Variants in CACHD1 observed in about 807,000 individuals in gnomAD.
CACHD1 encodes cache domain containing 1, also known as VWFA and cache domain-containing protein 1.
Under a neutral mutation model 138.7 loss-of-function variants are expected in CACHD1, and 71 were observed. The observed-to-expected ratio is 0.51, with a 90% CI of 0.42 to 0.62. The LOEUF (loss-of-function observed/expected upper bound fraction) is 0.62. Among genes scored for constraint, CACHD1 ranks in the 20% least tolerant of loss-of-function variants. CACHD1 has a pLI of 0.00. For missense variants in CACHD1, 1,389 were observed against 1,625.3 expected (o/e 0.85, Z 2.50); for synonymous variants, 578 against 591.5 (o/e 0.98, Z 0.33).
chr1:64,632,272 A>C (rs1302425039), intron 5 of CACHD1, among the ~76,000 whole-genome samples: 1 of 151,196 alleles, frequency 6.6e-6, no homozygotes, highest in African/African-American at 2.4e-5. Flanking sequence ...AAAAAAAAAA[A>C]AAAAAAGAGA....
chr1:64,557,783 T>A (rs12096014), intron 2 of CACHD1, among the ~76,000 whole-genome samples: 6,905 of 150,950 alleles, frequency 0.046, 261 homozygotes, highest in South Asian at 0.2. Flanking sequence ...TTTCTCTTTT[T>A]AAAAAATTAT....
At chr1:64,574,654 C>CACT (rs1646953449) in intron 2 of CACHD1, among the ~76,000 whole-genome samples, 1 of 152,208 alleles carries the variant, frequency 6.6e-6, no homozygotes, top group African/African-American at 2.4e-5. Flanking sequence ...AGTAAACAGC[C>CACT]ACTACCATTT....
In CACHD1 at chr1:64,654,720, G is replaced by T. The variant is rs556698065; in HGVS notation, c.1699G>T (p.Val567Leu). Reference sequence around the variant, plus strand: ...GGGCAGCCAGATTATCGCAGTCCCTGTGAACTCATCCCTGTCTTGGCACAT... The same window carrying T: ...GGGCAGCCAGATTATCGCAGTCCCTTTGAACTCATCCCTGTCTTGGCACAT... ...PLGSQIIAVP[V>L]NSSLSWHINK... Residue 567 changes from valine to leucine, a missense_variant, in exon 12 of 27, where the codon GTG becomes TTG. Val to Leu is a conservative substitution (Grantham distance 32, BLOSUM62 1). Around this residue, in one of 5 missense-constraint regions of CACHD1, gnomAD observed 1,000 missense variants for 1,114.7 expected, o/e 0.90. Transcript: ENST00000651257. The T allele has an allele frequency of 1.2e-6, 2 of 1,613,906 alleles. No homozygotes were observed. Among genetic ancestry groups the T allele is most frequent in the South Asian group, 1.1e-5 (1 of 91,062 alleles).
chr1:64,519,243 T>C (rs886163785), intron 1 of CACHD1, among the ~76,000 whole-genome samples: 3 of 152,178 alleles, frequency 2.0e-5, no homozygotes, highest in Non-Finnish European at 4.4e-5. Context: ...ACTTTTTGCC[T>C]CCAGCAATGG....
chr1:64,612,893 T>A (rs1245691881), intron 4 of CACHD1, among the ~76,000 whole-genome samples: 1 of 152,226 alleles, frequency 6.6e-6, no homozygotes, highest in Non-Finnish European at 1.5e-5. Flanking sequence ...AGGCTGTAGC[T>A]TTCATAGATA....
At chr1:64,576,729 GA>G (rs768655616) in intron 2 of CACHD1, among the ~76,000 whole-genome samples, 80 of 152,152 alleles carry the variant, frequency 5.3e-4, no homozygotes, top group Non-Finnish European at 7.6e-4. Context: ...TAGTCAAGGT[GA>G]AATTCTTTAG....
At chr1:64,568,093 ATTAACATAACC>A (rs1646897081) in intron 2 of CACHD1, among the ~76,000 whole-genome samples, 1 of 152,228 alleles carries the variant, frequency 6.6e-6, no homozygotes, top group Non-Finnish European at 1.5e-5. Flanking sequence ...TTATTCCATT[ATTAACATAACC>A]TTAAGACAGT....
intron 1 of CACHD1, among the ~76,000 whole-genome samples, chr1:64,534,421 A>G (rs752863034): frequency 6.6e-6 from 1 of 152,158 alleles, no homozygotes; most frequent in Non-Finnish European, 1.5e-5. Context: ...AAAAGTATAG[A>G]TTTGGGGCTC....
chr1:64,684,945 G>A (rs1355064546), intron 26 of CACHD1, among the ~76,000 whole-genome samples: 1 of 152,156 alleles, frequency 6.6e-6, no homozygotes, highest in Admixed American at 6.5e-5. Context: ...AAGTAACTGG[G>A]ATTACAGGCA....
chr1:64,657,147 A>C (rs182333821), intron 12 of CACHD1, among the ~76,000 whole-genome samples: 12 of 152,312 alleles, frequency 7.9e-5, no homozygotes, highest in Admixed American at 5.9e-4. Context: ...ATTAGAAGGT[A>C]TTCACATGTT....
intron 1 of CACHD1, among the ~76,000 whole-genome samples, chr1:64,501,353 A>G (rs1646338517): frequency 6.6e-6 from 1 of 152,250 alleles, no homozygotes; most frequent in South Asian, 2.1e-4. Context: ...TCCCTCTACC[A>G]GCTCTATCTT....
At chr1:64,509,630 A>G (rs1371628859) in intron 1 of CACHD1, among the ~76,000 whole-genome samples, 1 of 152,184 alleles carries the variant, frequency 6.6e-6, no homozygotes, top group East Asian at 1.9e-4. Context: ...TAAAGTAGGG[A>G]AGTTTTGTTA....
rs1345026296 is a variant in CACHD1, at chr1:64,664,494, C to G, written c.2095-4C>G. 1.2e-6 allele frequency: 2 copies of G among 1,613,724 alleles called. No individual in the cohort carries two copies. The highest frequency in any genetic ancestry group is 1.7e-6 in the Non-Finnish European group (2 of 1,179,800). On this transcript the variant is annotated splice_region_variant and splice_polypyrimidine_tract_variant and intron_variant, in intron 14 of 26. Coordinates refer to ENST00000651257, the MANE Select transcript of CACHD1 (RefSeq NM_020925.4). Reference sequence around the variant, plus strand: ...TCCCTGCTATGTCTTCCTTTGTTTCCCAGTTCTCTGTCAGAAATGAAGTAA... The same window carrying G: ...TCCCTGCTATGTCTTCCTTTGTTTCGCAGTTCTCTGTCAGAAATGAAGTAA...
intron 1 of CACHD1, among the ~76,000 whole-genome samples, chr1:64,543,027 ATAT>A (rs1359262759): frequency 1.3e-5 from 2 of 151,996 alleles, no homozygotes. Flanking sequence ...AATTAGAATA[ATAT>A]TTATATATTT....
chr1:64,477,842 G>A (rs973986960), intron 1 of CACHD1, among the ~76,000 whole-genome samples: 2 of 149,140 alleles, frequency 1.3e-5, no homozygotes, highest in African/African-American at 4.9e-5. Flanking sequence ...CACCTTGTTA[G>A]CCAGGATGGT....
intron 1 of CACHD1, among the ~76,000 whole-genome samples, chr1:64,534,126 C>A (rs538340525): frequency 6.6e-6 from 1 of 151,554 alleles, no homozygotes; most frequent in Non-Finnish European, 1.5e-5. Flanking sequence ...TCACTGCAAC[C>A]CCTGCCTCCT....
At chr1:64,475,171 C>CTTTTTTTTTTTTTTTTTTTTTTTTTTTTT (rs3078373) in intron 1 of CACHD1, among the ~76,000 whole-genome samples, 4 of 124,286 alleles carry the variant, frequency 3.2e-5, no homozygotes, top group African/African-American at 2.9e-5. Flanking sequence ...AAATTCCTTC[C>CTTTTTTTTTTTTTTTTTTTTTTTTTTTTT]TTTTTTTTTT....
Position 64,634,195 on chromosome 1 carries a change from C to T in CACHD1, c.941C>T (p.Ala314Val), listed in dbSNP as rs1332057927. 2 of 1,613,746 alleles carry T rather than the reference C, an allele frequency of 1.2e-6. No individual in the cohort carries two copies. The highest frequency in any genetic ancestry group is 2.7e-5 in the African/African-American group (2 of 74,796). Residue 314 changes from alanine (A) to valine (V), a missense_variant, in exon 7 of 27, where the codon GCA becomes GTA. Physicochemically the swap from Ala to Val is moderately conservative, Grantham distance 64. Transcript: ENST00000651257. ...TCTTCAGACAGTCCTACCCAGCACG[C>T]AGTGGGATTCCAAAAGGCATTTCAG... ...VKSSDSPTQHAVGFQKAFQLI... is the reference protein window; with the variant it reads ...VKSSDSPTQHVVGFQKAFQLI...
chr1:64,478,655 T>A (rs1454248404), intron 1 of CACHD1, among the ~76,000 whole-genome samples: 2 of 152,162 alleles, frequency 1.3e-5, no homozygotes, highest in Non-Finnish European at 2.9e-5. Context: ...CCAACTTGGA[T>A]GGCTCAAGAC....
Sources: gnomAD v4.1 joint callset for allele counts (sites outside exome capture counted in the v4.1 genomes callset) on GRCh38, gnomAD v4.1.1 for gene constraint, gnomAD v4.1.1 regional missense constraint, MANE v1.5 for transcripts, NCBI Gene and HGNC (gene_info 2026-07-23, HGNC 2026-07-21) for gene names.